COPG1: variants seen among roughly 807,000 people sequenced by gnomAD.
COPG1 encodes the protein coatomer subunit gamma-1.
A neutral mutation model predicts 102.8 loss-of-function variants in COPG1; 29 were observed. The ratio of observed to expected loss-of-function variants is 0.28; its 90% CI spans 0.21 to 0.38. The LOEUF (loss-of-function observed/expected upper bound fraction) is 0.38, where lower values mean the gene tolerates loss of function less well. Ranked by LOEUF, COPG1 falls within the 10% of genes least tolerant of loss-of-function variation. The pLI is 1.00. For synonymous variants in COPG1, 406 were observed against 421.6 expected (o/e 0.96, Z 0.45); for missense variants, 875 against 1,132.7 (o/e 0.77, Z 3.27).
chr3:129,259,957 G>A (rs954990467), intron 10 of COPG1, among the ~76,000 whole-genome samples: 7 of 152,218 alleles, frequency 4.6e-5, no homozygotes, highest in Non-Finnish European at 8.8e-5. Flanking sequence ...TCTTGGTTCT[G>A]CCACTTACTG....
At chr3:129,276,122 A>C (rs2107680466) in intron 23 of COPG1, among the ~76,000 whole-genome samples, 1 of 152,350 alleles carries the variant, frequency 6.6e-6, no homozygotes, top group Non-Finnish European at 1.5e-5. Flanking sequence ...ATAGAATTGT[A>C]TACCTTTCTT....
chr3:129,253,195 C>T, intron 5 of COPG1: 1 of 463,202 alleles, frequency 2.2e-6, no homozygotes, highest in Non-Finnish European at 3.9e-6. Context: ...GTCAACCAAA[C>T]CAGCTTAGAA....
intron 14 of COPG1, among the ~76,000 whole-genome samples, chr3:129,266,186 T>C (rs1398110663): frequency 6.6e-6 from 1 of 152,138 alleles, no homozygotes; most frequent in East Asian, 1.9e-4. Flanking sequence ...AGGCCAGGAT[T>C]GTCTCGATCT....
In COPG1 at chr3:129,260,756, C is replaced by A. The variant is rs1481264837; in HGVS notation, c.1077C>A (p.Arg359=). The A allele has an allele frequency of 6.2e-7, 1 of 1,612,760 alleles. No individual in the cohort carries two copies. Among genetic ancestry groups the A allele is most frequent in the Non-Finnish European group, 8.5e-7 (1 of 1,180,022 alleles). Residue 359 remains arginine (R), a synonymous_variant, in exon 12 of 24, where the codon CGC becomes CGA. Coordinates refer to ENST00000314797, the MANE Select transcript of COPG1 (RefSeq NM_016128.4). Reference sequence around the variant, plus strand: ...CGGGCAGCGAGAGCAGCATCGACCGCCTCATGAAGCAGATCTCCTCCTTCA... The same window carrying A: ...CGGGCAGCGAGAGCAGCATCGACCGACTCATGAAGCAGATCTCCTCCTTCA... ...LKTGSESSID[R]LMKQISSFMS...
At chr3:129,261,860 A>C (rs1576964746) in intron 12 of COPG1, among the ~76,000 whole-genome samples, 1 of 152,200 alleles carries the variant, frequency 6.6e-6, no homozygotes, top group South Asian at 2.1e-4. Flanking sequence ...AGTCAGGCCC[A>C]TTCCTACCTC....
chr3:129,264,675 G>A (rs1384205657), intron 13 of COPG1, among the ~76,000 whole-genome samples: 1 of 152,004 alleles, frequency 6.6e-6, no homozygotes, highest in Non-Finnish European at 1.5e-5. Context: ...GTAGAGATGG[G>A]GTCTTGCTGG....
intron 2 of COPG1, among the ~76,000 whole-genome samples, chr3:129,251,520 C>G (rs1219353675): frequency 6.7e-6 from 1 of 150,362 alleles, no homozygotes; most frequent in Non-Finnish European, 1.5e-5. Flanking sequence ...GTAGCCGGGA[C>G]TACAGGCGCA....
At chr3:129,260,469 C>A in intron 11 of COPG1, 69 bp downstream of exon 11, 1 of 1,542,796 alleles carries the variant, frequency 6.5e-7, no homozygotes, top group South Asian at 1.1e-5. Flanking sequence ...AGCCTCTGAC[C>A]TGGCTGGGAA....
intron 1 of COPG1, 129 bp downstream of exon 1, chr3:129,249,875 TAGTC>T: frequency 1.1e-6 from 1 of 938,336 alleles, no homozygotes; most frequent in East Asian, 2.8e-5. Context: ...GGTCCACAGC[TAGTC>T]AGTGGCAGGC....
Position 129,252,864 on chromosome 3 carries a change from C to T in COPG1, c.244-12C>T. On this transcript the variant is annotated splice_polypyrimidine_tract_variant and intron_variant, in intron 4 of 23. Coordinates refer to ENST00000314797, the MANE Select transcript of COPG1 (RefSeq NM_016128.4). The stretch of plus-strand genomic sequence containing the variant: ...GCCCGGGCTGATAGGGCTTTTCCCA[C>T]CTATCTCCCAGCCCACACTCCGTCG... The T allele has an allele frequency of 6.2e-7, 1 of 1,613,504 alleles. No individual in the cohort carries two copies. The highest frequency in any genetic ancestry group is 8.5e-7 in the Non-Finnish European group (1 of 1,179,500).
At chr3:129,253,598 T>C (rs943180180) in intron 5 of COPG1, among the ~76,000 whole-genome samples, 1 of 152,154 alleles carries the variant, frequency 6.6e-6, no homozygotes, top group Non-Finnish European at 1.5e-5. Flanking sequence ...TTATGGGCTA[T>C]GAGAGCAGAC....
chr3:129,253,429 G>T (rs1235069411), intron 5 of COPG1, among the ~76,000 whole-genome samples: 4 of 152,150 alleles, frequency 2.6e-5, no homozygotes, highest in Non-Finnish European at 5.9e-5. Context: ...TTGATTTGTA[G>T]GTTCAGTTAG....
Position 129,265,432 on chromosome 3 carries a change from A to G in COPG1, c.1225-117A>G, listed in dbSNP as rs1188989797. Reference sequence around the variant, plus strand: ...AGGAAAGAGTGATAGAGGCCCAGAGAACCAAGTGCCCTGTCTCCAAGTTCT... The same window carrying G: ...AGGAAAGAGTGATAGAGGCCCAGAGGACCAAGTGCCCTGTCTCCAAGTTCT... On this transcript the variant is annotated intron_variant, in intron 13 of 23. Transcript: ENST00000314797. 3 of 1,285,074 alleles carry G rather than the reference A, an allele frequency of 2.3e-6. No homozygotes were observed. The East Asian group carries it at 7.0e-5, about 30-fold the overall frequency. The allele number at this position is 1,285,074 out of a possible 1,614,324, so 79.6% of individuals were successfully genotyped here. A position where few individuals can be genotyped will look rare whatever the true frequency, so the allele number is the denominator to read the frequency against.
chr3:129,252,722 A>G (rs1939725459), intron 4 of COPG1, 28 bp downstream of exon 4: 1 of 1,605,722 alleles, frequency 6.2e-7, no homozygotes, highest in Admixed American at 1.7e-5. Flanking sequence ...GCTTTCCTTG[A>G]GAGGTGGCAG....
At chr3:129,272,106 G>T in intron 19 of COPG1, 138 bp from the exon 20 acceptor site, 1 of 1,024,380 alleles carries the variant, frequency 9.8e-7, no homozygotes, top group Non-Finnish European at 1.4e-6. Context: ...TCAGCATGAA[G>T]ACAGGGAACC....
intron 5 of COPG1, among the ~76,000 whole-genome samples, chr3:129,253,738 A>T (rs1939744706): frequency 2.6e-5 from 4 of 152,160 alleles, no homozygotes; most frequent in Admixed American, 2.6e-4. Context: ...TAATCCCAGC[A>T]CTGTATCCAC....
At chr3:129,274,373 A>T (rs1940230401) in intron 21 of COPG1, among the ~76,000 whole-genome samples, 1 of 152,084 alleles carries the variant, frequency 6.6e-6, no homozygotes, top group African/African-American at 2.4e-5. Context: ...GAGATTCAGG[A>T]TCTGTCAAAT....
chr3:129,274,409 G>A (rs1368999016), intron 21 of COPG1, among the ~76,000 whole-genome samples: 1 of 152,124 alleles, frequency 6.6e-6, no homozygotes, highest in Non-Finnish European at 1.5e-5. Context: ...GGGGTAGGAG[G>A]TTTCTGCTAG....
At position 129,275,329 on chromosome 3, in the gene COPG1, C is replaced by A; in HGVS notation, c.2494+37C>A. ...TTCTAGATGGGGAGGGCCTGGATAG[C>A]TTACAGCCTGGATGCCACTGGATCC... On this transcript the variant is annotated intron_variant, in intron 23 of 23. Transcript: ENST00000314797. This position sits in a 1 kb window ranked among gnomAD's most constrained non-coding sequence, Gnocchi z 5.0. The A allele has an allele frequency of 6.4e-7, 1 of 1,558,324 alleles. No homozygotes were observed. Among genetic ancestry groups the A allele is most frequent in the Non-Finnish European group, 8.8e-7 (1 of 1,130,016 alleles).
Sources: allele counts gnomAD v4.1 joint callset (sites outside exome capture counted in the v4.1 genomes callset), GRCh38; gene constraint gnomAD v4.1.1; non-coding constraint Gnocchi (gnomAD v3.1); transcripts MANE v1.5; gene names NCBI Gene and HGNC (gene_info 2026-07-23, HGNC 2026-07-21).